The following ADCY1 variants were observed in gnomAD, a reference collection of about 807,000 sequenced individuals.
The protein encoded by ADCY1 is adenylate cyclase type 1.
A neutral mutation model predicts 105.4 loss-of-function variants in ADCY1; 28 were observed. The observed-to-expected ratio is 0.27, with a 90% confidence interval of 0.20 to 0.36. ADCY1 has a LOEUF of 0.36. Among genes scored for constraint, ADCY1 ranks in the 10% least tolerant of loss-of-function variants. The pLI is 1.00. For missense variants in ADCY1, 977 were observed against 1,434.2 expected (o/e 0.68, Z 5.15); for synonymous variants, 655 against 623.8 (o/e 1.05, Z -0.75).
At chr7:45,709,502 G>C (rs1562734640) in intron 18 of ADCY1, among the ~76,000 whole-genome samples, 1 of 152,208 alleles carries the variant, frequency 6.6e-6, no homozygotes, top group Non-Finnish European at 1.5e-5. Flanking sequence ...ACTCCCACCA[G>C]CTCCAGCCAT....
chr7:45,677,144 A>G (rs1159763325), intron 8 of ADCY1, among the ~76,000 whole-genome samples: 2 of 152,144 alleles, frequency 1.3e-5, no homozygotes, highest in South Asian at 2.1e-4. Flanking sequence ...CTGTGTGCTT[A>G]TTTTACATGT....
In ADCY1 at chr7:45,686,127, G is replaced by T; in HGVS notation, c.2239G>T (p.Val747Leu). ...CCTCCCGCTAGCCATATTTTTCCGG[G>T]TGTCCTCCTTGCCAAAAATGATCCT... The part of the protein sequence containing the change: ...GTLPLAIFFR[V>L]SSLPKMILLS... The change falls in exon 13 of 20, where the codon GTG becomes TTG. Residue 747 changes from valine to leucine, a missense_variant. Coordinates refer to ENST00000297323, the MANE Select transcript of ADCY1 (RefSeq NM_021116.4). The surrounding 1 kb of genome is among the most constrained non-coding windows in gnomAD (Gnocchi z 4.3). 6.2e-7 allele frequency: 1 copy of T among 1,614,142 alleles called. No homozygotes were observed. The highest frequency in any genetic ancestry group is 8.5e-7 in the Non-Finnish European group (1 of 1,180,034).
chr7:45,671,799 A>G (rs138950485), intron 8 of ADCY1, among the ~76,000 whole-genome samples: 2 of 151,798 alleles, frequency 1.3e-5, no homozygotes, highest in East Asian at 3.9e-4. Flanking sequence ...TGTGCTGTTC[A>G]TTTTTGAGAG....
At chr7:45,665,538 C>T (rs984565991) in intron 8 of ADCY1, among the ~76,000 whole-genome samples, 6 of 152,222 alleles carry the variant, frequency 3.9e-5, no homozygotes, top group Admixed American at 3.9e-4. Context: ...TTTTGTTCTT[C>T]TCTTCACACT....
rs1795127813 is a variant in ADCY1 at position 45,662,328 on chromosome 7, G to A, written c.1605+114G>A. On this transcript the variant is annotated intron_variant, in intron 8 of 19. Transcript: ENST00000297323. ...CTAGATCAGAATTCCCTGTTCACAT[G>A]TGGATAATCTTGTAAATGCTGCTCA... 14 of 1,186,364 alleles carry A rather than the reference G, an allele frequency of 1.2e-5. No individual in the cohort carries two copies. The South Asian group carries it at 2.1e-4, about 17-fold the overall frequency. The allele number at this position is 1,186,364 out of a possible 1,614,324, so 73.5% of individuals were successfully genotyped here.
chr7:45,586,791 G>T (rs1036006621), intron 1 of ADCY1, among the ~76,000 whole-genome samples: 4 of 152,232 alleles, frequency 2.6e-5, no homozygotes, highest in Admixed American at 6.5e-5. Flanking sequence ...CAGGCTGATC[G>T]CAGTCTGGGA....
intron 1 of ADCY1, among the ~76,000 whole-genome samples, chr7:45,577,460 T>C (rs570710669): frequency 6.6e-6 from 1 of 152,340 alleles, no homozygotes; most frequent in Non-Finnish European, 1.5e-5. Flanking sequence ...CATAATGAGC[T>C]CTGCAGTTTG....
intron 2 of ADCY1, among the ~76,000 whole-genome samples, chr7:45,606,561 C>T (rs955663255): frequency 1.3e-5 from 2 of 152,162 alleles, no homozygotes; most frequent in Admixed American, 6.5e-5. Context: ...TATGTCATTT[C>T]TTGGTTTCAA....
In ADCY1 at chr7:45,713,905, C is replaced by T. The variant is rs145392538; in HGVS notation, c.3270C>T (p.Cys1090=). 1 of 780,550 alleles carries T rather than the reference C, an allele frequency of 1.3e-6. No individual in the cohort carries two copies. Among genetic ancestry groups the T allele is most frequent in the African/African-American group, 1.7e-5 (1 of 59,166 alleles). The allele number at this position is 780,550 out of a possible 1,614,324, so 48.4% of individuals were successfully genotyped here. A position where few individuals can be genotyped will look rare whatever the true frequency, so the allele number is the denominator to read the frequency against. The change falls in exon 20 of 20, where the codon TGC becomes TGT. Residue 1090 remains cysteine, a synonymous_variant. Coordinates refer to ENST00000297323, the MANE Select transcript of ADCY1 (RefSeq NM_021116.4). ...AGLQGRRPPV[C]PMPGVSVRAG... The stretch of plus-strand genomic sequence containing the variant: ...TTCAGGGCAGACGTCCCCCCGTGTG[C>T]CCCATGCCTGGCGTCTCAGTCAGGG...
rs756932248 is a variant in ADCY1, at chr7:45,678,274, C to G, written c.1898+11C>G. On this transcript the variant is annotated intron_variant, in intron 10 of 19. Transcript: ENST00000297323. ...TCTAATATTCCCACAGTGAGTATTT[C>G]TATCAACGAGGTGAGGAACTCACCA... is the stretch of plus-strand genomic sequence containing the variant. 6.2e-7 allele frequency: 1 copy of G among 1,609,272 alleles called. No individual in the cohort carries two copies. Among genetic ancestry groups the G allele is most frequent in the Admixed American group, 1.7e-5 (1 of 60,016 alleles).
chr7:45,692,621 A>G, intron 14 of ADCY1, among the ~76,000 whole-genome samples: 1 of 152,218 alleles, frequency 6.6e-6, no homozygotes, highest in East Asian at 1.9e-4. Flanking sequence ...ATTTTAAAAA[A>G]TCAGTTCATA....
chr7:45,596,630 G>T (rs1167813235), intron 2 of ADCY1, among the ~76,000 whole-genome samples: 1 of 152,204 alleles, frequency 6.6e-6, no homozygotes, highest in Non-Finnish European at 1.5e-5. Context: ...TGCCGGGCAC[G>T]TCCAGAGGGA....
Position 45,719,557 on chromosome 7 carries a change from A to G in ADCY1, c.*5562A>G, listed in dbSNP as rs1477980001. ...GAAAATTTAATCTATTCTGTTCCAT[A>G]TGAAGTCTGTTTCACTACCTTAAAA... On this transcript the variant is annotated 3_prime_UTR_variant, in exon 20 of 20. Transcript: ENST00000297323. The G allele has an allele frequency of 6.6e-6, 1 of 152,230 alleles. No homozygotes were observed. The allele number at this position is 152,230 out of a possible 1,614,324, so 9.4% of individuals were successfully genotyped here.
chr7:45,609,710 G>T (rs1016451403), intron 2 of ADCY1, among the ~76,000 whole-genome samples: 4 of 152,144 alleles, frequency 2.6e-5, no homozygotes, highest in Non-Finnish European at 5.9e-5. Context: ...TTGGGGTCAG[G>T]GAACATCCAA....
chr7:45,583,672 C>G (rs939087412), intron 1 of ADCY1, among the ~76,000 whole-genome samples: 1 of 152,002 alleles, frequency 6.6e-6, no homozygotes, highest in Non-Finnish European at 1.5e-5. Context: ...TGGAGTTTCG[C>G]TCTTGTTGCC....
chr7:45,695,460 C>T (rs1253874031), intron 14 of ADCY1, among the ~76,000 whole-genome samples: 3 of 152,192 alleles, frequency 2.0e-5, no homozygotes, highest in African/African-American at 4.8e-5. Flanking sequence ...GAATCCTTCT[C>T]CTGCCAAGTT....
chr7:45,631,714 A>G (rs1033195983), intron 4 of ADCY1, among the ~76,000 whole-genome samples: 3 of 152,272 alleles, frequency 2.0e-5, no homozygotes, highest in Non-Finnish European at 4.4e-5. Flanking sequence ...CTGTAGCTTT[A>G]CAAATACACA....
intron 4 of ADCY1, among the ~76,000 whole-genome samples, chr7:45,639,952 A>G (rs1794493326): frequency 6.6e-6 from 1 of 152,224 alleles, no homozygotes. Context: ...ATTCTGATCC[A>G]TGGGGACCCA....
rs1210954476 is a variant in ADCY1 at position 45,574,894 on chromosome 7, C to T, written c.351C>T (p.Pro117=). 1.1e-5 allele frequency: 17 copies of T among 1,611,826 alleles called. No individual in the cohort carries two copies. Among genetic ancestry groups the T allele is most frequent in the East Asian group, 4.5e-5 (2 of 44,840 alleles). The stretch of plus-strand genomic sequence containing the variant: ...CCAACGTCCGGTCCCTGCAGGTGCC[C>T]CAGCTGCAGCAGGTCGGCCAGCTGG... ...VVTNVRSLQV[P]QLQQVGQLAL... is the part of the protein sequence containing the mutation. The change falls in exon 1 of 20, where the codon CCC becomes CCT. Residue 117 remains proline (P), a synonymous_variant. Coordinates refer to ENST00000297323, the MANE Select transcript of ADCY1 (RefSeq NM_021116.4). The surrounding 1 kb of genome is among the most constrained non-coding windows in gnomAD (Gnocchi z 7.0).
Sources: allele counts gnomAD v4.1 joint callset (sites outside exome capture counted in the v4.1 genomes callset), GRCh38; gene constraint gnomAD v4.1.1; non-coding constraint Gnocchi (gnomAD v3.1); transcripts MANE v1.5; gene names NCBI Gene and HGNC (gene_info 2026-07-23, HGNC 2026-07-21).